CCND3: variants seen among roughly 807,000 people sequenced by gnomAD.
CCND3 encodes the protein G1/S-specific cyclin-D3.
Under a neutral mutation model 28.7 loss-of-function variants are expected in CCND3, and 9 were observed. The ratio of observed to expected loss-of-function variants is 0.31; its 90% CI spans 0.19 to 0.55. CCND3 has a LOEUF of 0.55. Ranked by LOEUF, CCND3 falls within the 20% of genes least tolerant of loss-of-function variation. The probability of loss-of-function intolerance (pLI) is 0.93; values close to 1 mark genes in which losing one functional copy is unlikely to be tolerated. For synonymous variants in CCND3, 164 were observed against 163.9 expected (o/e 1.00, Z 0.00); for missense variants, 315 against 385.8 (o/e 0.82, Z 1.54).
chr6:41,963,803 C>T (rs988992969), intron 1 of CCND3, among the ~76,000 whole-genome samples: 1 of 152,188 alleles, frequency 6.6e-6, no homozygotes, highest in Non-Finnish European at 1.5e-5. Flanking sequence ...GAGGAAGAAA[C>T]CATCAAATAG....
chr6:42,042,338 T>C (rs1764392427), intron 1 of CCND3, among the ~76,000 whole-genome samples: 1 of 150,842 alleles, frequency 6.6e-6, no homozygotes, highest in Admixed American at 6.6e-5. Context: ...CCTCATAATC[T>C]TAGGGAAGCG....
In CCND3 at chr6:42,048,896, C is replaced by A; in HGVS notation, c.-441G>T. 1 of 266,694 alleles carries A rather than the reference C, an allele frequency of 3.7e-6. No individual in the cohort carries two copies. Among genetic ancestry groups the A allele is most frequent in the Non-Finnish European group, 7.2e-6 (1 of 138,190 alleles). 16.5% of individuals were successfully genotyped at this position (266,694 alleles called of 1,614,324 possible). A position where few individuals can be genotyped will look rare whatever the true frequency, so the allele number is the denominator to read the frequency against. On this transcript the variant is annotated 5_prime_UTR_variant, in exon 1 of 5. Coordinates refer to the CCND3 transcript ENST00000372988. The surrounding 1 kb of genome is among the most constrained non-coding windows in gnomAD (Gnocchi z 4.7). ...GCCCCCGCCCCACGCGGCATAGGTG[C>A]GGGGGCGGGGCGCCACGGAGGCTCA...
chr6:42,021,453 G>C (rs1398676073), intron 1 of CCND3, among the ~76,000 whole-genome samples: 1 of 152,216 alleles, frequency 6.6e-6, no homozygotes, highest in Non-Finnish European at 1.5e-5. Context: ...GCACAGAGCA[G>C]TCATCCTTCA....
Position 42,001,549 on chromosome 6 carries a change from G to T in CCND3, c.-46+46952C>A, listed in dbSNP as rs191667291. ...CTATACATGTATAGTCTTAACAGGG[G>T]TAAACTCTGGTGATAAAAAAGAGAC... On this transcript the variant is annotated intron_variant, in intron 1 of 4. Transcript: ENST00000372988. Among the ~76,000 whole-genome samples, 722 of 152,250 alleles carry T rather than the reference G, an allele frequency of 4.7e-3. 4 individuals are homozygous for T. The highest frequency in any genetic ancestry group is 8.5e-3 in the South Asian group (41 of 4,824).
intron 1 of CCND3, among the ~76,000 whole-genome samples, chr6:41,980,978 G>A (rs1762329073): frequency 6.6e-6 from 1 of 152,128 alleles, no homozygotes; most frequent in African/African-American, 2.4e-5. Context: ...ACAAGCGAAG[G>A]AGGTTTTCTC....
At chr6:41,980,363 T>G (rs1380968302) in intron 1 of CCND3, among the ~76,000 whole-genome samples, 1 of 152,146 alleles carries the variant, frequency 6.6e-6, no homozygotes, top group Non-Finnish European at 1.5e-5. Context: ...CTCGAACTGC[T>G]GACCTCAGGT....
chr6:41,986,752 T>C (rs1026039805), intron 1 of CCND3, among the ~76,000 whole-genome samples: 9 of 152,030 alleles, frequency 5.9e-5, no homozygotes, highest in African/African-American at 2.2e-4. Flanking sequence ...TTGGATGCCA[T>C]TTATTTGTCT....
chr6:42,046,441 G>T (rs558717921), intron 1 of CCND3, among the ~76,000 whole-genome samples: 2 of 152,324 alleles, frequency 1.3e-5, no homozygotes, highest in East Asian at 3.9e-4. Flanking sequence ...TCTAGAATGT[G>T]AGCATCTCTG....
chr6:42,032,275 T>C (rs957450974), intron 1 of CCND3, among the ~76,000 whole-genome samples: 5 of 152,066 alleles, frequency 3.3e-5, no homozygotes, highest in African/African-American at 1.2e-4. Context: ...CTTGTACAGA[T>C]GGGGCCTTGC....
At chr6:41,960,463 T>C (rs1397010246) in intron 1 of CCND3, among the ~76,000 whole-genome samples, 1 of 152,230 alleles carries the variant, frequency 6.6e-6, no homozygotes, top group Non-Finnish European at 1.5e-5. Context: ...TCATCTTCTC[T>C]CCAGGGAGGC....
At chr6:41,990,446 C>G (rs1762613093) in intron 1 of CCND3, among the ~76,000 whole-genome samples, 1 of 151,786 alleles carries the variant, frequency 6.6e-6, no homozygotes. Context: ...AAAAAAAAAT[C>G]CTAAAATTCA....
At chr6:42,018,878 C>T (rs968905330) in intron 1 of CCND3, among the ~76,000 whole-genome samples, 5 of 124,362 alleles carry the variant, frequency 4.0e-5, no homozygotes, top group African/African-American at 1.3e-4. Flanking sequence ...GCAGCAAGAG[C>T]GAAACTCCAT....
intron 1 of CCND3, among the ~76,000 whole-genome samples, chr6:42,031,672 C>T (rs562106612): frequency 2.6e-5 from 4 of 152,136 alleles, no homozygotes; most frequent in African/African-American, 9.7e-5. Context: ...ACTGTTAACA[C>T]TGTGGTATAT....
chr6:41,979,647 A>G (rs867144083), intron 1 of CCND3, among the ~76,000 whole-genome samples: 1 of 42,904 alleles, frequency 2.3e-5, no homozygotes, highest in Non-Finnish European at 4.9e-5. Context: ...CTCTCTCTAT[A>G]TATATATATG....
chr6:42,012,532 T>G (rs1582161353), intron 1 of CCND3, among the ~76,000 whole-genome samples: 1 of 151,832 alleles, frequency 6.6e-6, no homozygotes, highest in South Asian at 2.1e-4. Context: ...ACCTGGGAGG[T>G]GGAGGTTGTA....
intron 1 of CCND3, among the ~76,000 whole-genome samples, chr6:41,952,807 T>C (rs561343198): frequency 4.5e-5 from 4 of 88,366 alleles, no homozygotes; most frequent in African/African-American, 7.9e-5. Context: ...AAGTAGTGAG[T>C]GTGAGTGTGT....
intron 1 of CCND3, among the ~76,000 whole-genome samples, chr6:42,035,936 A>G (rs1407311989): frequency 6.6e-6 from 1 of 151,948 alleles, no homozygotes; most frequent in Non-Finnish European, 1.5e-5. Flanking sequence ...TCGGCCTCCC[A>G]AAGTGCTGGG....
chr6:41,937,337 G>A lies in CCND3; in HGVS notation c.472C>T (p.His158Tyr). The A allele has an allele frequency of 4.3e-6, 7 of 1,614,150 alleles. No homozygotes were observed. Among genetic ancestry groups the A allele is most frequent in the Non-Finnish European group, 5.1e-6 (6 of 1,180,022 alleles). Residue 158 changes from histidine to tyrosine, a missense_variant, in exon 3 of 5, where the codon CAT becomes TAT. Physicochemically the swap from His to Tyr is moderately conservative, Grantham distance 83 (BLOSUM62 2). Transcript: ENST00000372991. ...LKWDLAAVIA[H>Y]DFLAFILHRL... is the part of the protein sequence containing the mutation. ...TGCAGAATGAAGGCCAGGAAATCATGTGCAATCACAGCAGCCAGGTCCCAC... is the reference window on the plus strand; with the variant it reads ...TGCAGAATGAAGGCCAGGAAATCATATGCAATCACAGCAGCCAGGTCCCAC...
At chr6:42,006,158 C>T (rs1414205948) in intron 1 of CCND3, among the ~76,000 whole-genome samples, 1 of 151,526 alleles carries the variant, frequency 6.6e-6, no homozygotes, top group Non-Finnish European at 1.5e-5. Flanking sequence ...AGACCAAGAC[C>T]CTGTCTTAAA....
Sources: allele counts gnomAD v4.1 joint callset (sites outside exome capture counted in the v4.1 genomes callset), GRCh38; gene constraint gnomAD v4.1.1; non-coding constraint Gnocchi (gnomAD v3.1); transcripts MANE v1.5; gene names NCBI Gene and HGNC (gene_info 2026-07-23, HGNC 2026-07-21).